Variants in MRE11 observed in about 807,000 individuals in gnomAD.
MRE11 encodes double-strand break repair protein MRE11.
Under a neutral mutation model 91.7 loss-of-function variants are expected in MRE11, and 62 were observed. The ratio of observed to expected loss-of-function variants is 0.68; its 90% confidence interval spans 0.55 to 0.84. MRE11 has a LOEUF of 0.84. MRE11 is among the 40% of genes least tolerant of loss of function. The pLI is 0.00. For missense variants in MRE11, 796 were observed against 852.9 expected (o/e 0.93, Z 0.83); for synonymous variants, 273 against 271.4 (o/e 1.01, Z -0.06).
chr11:94,434,610 C>T (rs1945553068), intron 18 of MRE11, among the ~76,000 whole-genome samples: 1 of 152,040 alleles, frequency 6.6e-6, no homozygotes, highest in Admixed American at 6.6e-5. Flanking sequence ...CTGGGACCAC[C>T]GTTTTCCACC....
intron 16 of MRE11, among the ~76,000 whole-genome samples, chr11:94,441,238 A>G (rs567765183): frequency 1.2e-4 from 18 of 152,316 alleles, no homozygotes; most frequent in African/African-American, 4.1e-4. Context: ...CACTTTCTTT[A>G]TACCACACCT....
At chr11:94,433,727 C>T (rs1001467581) in intron 18 of MRE11, among the ~76,000 whole-genome samples, 1 of 152,106 alleles carries the variant, frequency 6.6e-6, no homozygotes, top group African/African-American at 2.4e-5. Context: ...TATGAGGCCT[C>T]CCCAGCTATG....
chr11:94,433,604 C>T (rs1332788636), intron 18 of MRE11, among the ~76,000 whole-genome samples: 1 of 152,154 alleles, frequency 6.6e-6, no homozygotes, highest in Non-Finnish European at 1.5e-5. Flanking sequence ...GGGGCAGTTC[C>T]CCCATACTAA....
rs1365399141 is a variant in MRE11, at chr11:94,420,042, T to TAA, written c.*81_*82dup. 1.6e-4 allele frequency: 183 copies of TAA among 1,163,948 alleles called. No individual in the cohort carries two copies. The highest frequency in any genetic ancestry group is 1.9e-4 in the Non-Finnish European group (154 of 796,304). The allele number at this position is 1,163,948 out of a possible 1,614,324, so 72.1% of individuals were successfully genotyped here. ...GGAGTTATGCTCAGGAAACAATACT[T>TAA]AAAATCTTAAACTGTAAACTCTTAG... On this transcript the variant is annotated 3_prime_UTR_variant, in exon 20 of 20. Coordinates refer to ENST00000323929, the MANE Select transcript of MRE11 (RefSeq NM_005591.4).
At chr11:94,489,009 C>G (rs1295821293) in intron 3 of MRE11, among the ~76,000 whole-genome samples, 1 of 152,116 alleles carries the variant, frequency 6.6e-6, no homozygotes, top group African/African-American at 2.4e-5. Flanking sequence ...CCACTGCTTT[C>G]TGATTCTTTC....
At chr11:94,497,237 A>G, upstream of MRE11, 1 of 523,370 alleles carries the variant, frequency 1.9e-6, no homozygotes, top group Admixed American at 3.5e-5. Flanking sequence ...GGAAACTAAC[A>G]TTTATTAAAA....
chr11:94,506,285 TCC>T, the MRE11 span, among the ~76,000 whole-genome samples: 2 of 151,926 alleles, frequency 1.3e-5, no homozygotes, highest in Admixed American at 1.3e-4. Flanking sequence ...CATGTAATTT[TCC>T]TATATAGCAA....
rs114015082 is a variant in MRE11, at chr11:94,490,244, G to A, written c.153+589C>T. Among the ~76,000 whole-genome samples the A allele has an allele frequency of 3.2e-3, 490 of 152,154 alleles. 2 individuals are homozygous for A. The highest frequency in any genetic ancestry group is 0.01 in the African/African-American group (417 of 41,478). On this transcript the variant is annotated intron_variant, in intron 3 of 19. Transcript: ENST00000323929. ...CTGCTGGTGAGCCAAATTGACTACA[G>A]GGCCCCTAACATACCTTATACTGTC...
chr11:94,501,812 C>T, the MRE11 span, among the ~76,000 whole-genome samples: 2 of 151,478 alleles, frequency 1.3e-5, no homozygotes, highest in South Asian at 2.1e-4. Flanking sequence ...TAATATCTAT[C>T]TTGTTGTAGG....
intron 16 of MRE11, among the ~76,000 whole-genome samples, chr11:94,438,490 C>A (rs1250298516): frequency 1.3e-5 from 2 of 152,160 alleles, no homozygotes; most frequent in Non-Finnish European, 1.5e-5. Flanking sequence ...CTACTCTACT[C>A]AAAAGGCTAG....
At chr11:94,448,112 A>G (rs1445553930) in intron 14 of MRE11, among the ~76,000 whole-genome samples, 1 of 152,196 alleles carries the variant, frequency 6.6e-6, no homozygotes, top group Non-Finnish European at 1.5e-5. Context: ...CTAGGAAATA[A>G]TAAGAAAAAA....
chr11:94,432,807 AAAAACAAAAC>A (rs1050369840), intron 18 of MRE11, among the ~76,000 whole-genome samples: 7 of 152,254 alleles, frequency 4.6e-5, no homozygotes, highest in Admixed American at 1.3e-4. Context: ...CTCCGTCTCA[AAAAACAAAAC>A]AAAACAAAAC....
At chr11:94,469,523 T>C (rs140456387) in intron 9 of MRE11, among the ~76,000 whole-genome samples, 15 of 152,202 alleles carry the variant, frequency 9.9e-5, no homozygotes, top group African/African-American at 2.6e-4. Flanking sequence ...GCTTGAGAGA[T>C]TGGATTTAGG....
At chr11:94,504,987 C>T in the MRE11 span, among the ~76,000 whole-genome samples, 1 of 152,132 alleles carries the variant, frequency 6.6e-6, no homozygotes, top group African/African-American at 2.4e-5. Flanking sequence ...CTAAAATTTC[C>T]TATCACCCAG....
At chr11:94,466,669 G>T (rs1946572785) in intron 10 of MRE11, 1 of 280,168 alleles carries the variant, frequency 3.6e-6, no homozygotes, top group Non-Finnish European at 7.7e-6. Flanking sequence ...GCTCTACACT[G>T]TACTCTTTAC....
At chr11:94,458,370 C>G in intron 13 of MRE11, among the ~76,000 whole-genome samples, 3 of 54,044 alleles carry the variant, frequency 5.6e-5, no homozygotes, top group Middle Eastern at 0.019. Context: ...GATTATACTA[C>G]GCAGTTTTTT....
At chr11:94,480,248 G>C (rs1267163500) in intron 4 of MRE11, among the ~76,000 whole-genome samples, 1 of 152,122 alleles carries the variant, frequency 6.6e-6, no homozygotes, top group East Asian at 1.9e-4. Flanking sequence ...GCAATTTCTA[G>C]TGCATCTTTC....
At chr11:94,429,829 A>AG in intron 19 of MRE11, 82 bp downstream of exon 19, 1 of 1,202,176 alleles carries the variant, frequency 8.3e-7, no homozygotes, top group East Asian at 2.6e-5. Context: ...AAGAAAAAAA[A>AG]GTTCAGCAAC....
At chr11:94,461,651 C>CA (rs1946417874) in intron 11 of MRE11, among the ~76,000 whole-genome samples, 1 of 152,120 alleles carries the variant, frequency 6.6e-6, no homozygotes, top group African/African-American at 2.4e-5. Context: ...AAAGGGTATT[C>CA]AATTAGGAAA....
Sources: allele counts gnomAD v4.1 joint callset (sites outside exome capture counted in the v4.1 genomes callset), GRCh38; gene constraint gnomAD v4.1.1; transcripts MANE v1.5; gene names NCBI Gene and HGNC (gene_info 2026-07-23, HGNC 2026-07-21).